PPP2CA: variants seen among roughly 807,000 people sequenced by gnomAD.
PPP2CA encodes the protein protein phosphatase 2 catalytic subunit alpha.
PPP2CA carries 5 observed loss-of-function variants against 38.8 expected under a neutral mutation model. The observed-to-expected ratio is 0.13, with a 90% CI of 0.07 to 0.27. The LOEUF (loss-of-function observed/expected upper bound fraction) is 0.27. PPP2CA is among the 10% of genes least tolerant of loss of function. The pLI is 1.00. For missense variants in PPP2CA, 88 were observed against 389.7 expected (o/e 0.23, Z 6.52); for synonymous variants, 152 against 134.0 (o/e 1.13, Z -0.93).
At chr5:134,213,838 A>T (rs1762260650) in intron 1 of PPP2CA, among the ~76,000 whole-genome samples, 1 of 152,240 alleles carries the variant, frequency 6.6e-6, no homozygotes, top group Non-Finnish European at 1.5e-5. Context: ...CATTAAAAAA[A>T]GGCTGAAAAG....
intron 5 of PPP2CA, chr5:134,199,466 C>G (rs1252537593): frequency 3.3e-6 from 1 of 306,588 alleles, no homozygotes; most frequent in East Asian, 5.6e-5. Flanking sequence ...TAACAAACAG[C>G]AGCAACCACC....
intron 2 of PPP2CA, 82 bp downstream of exon 2, chr5:134,205,840 G>A (rs567536761): frequency 3.2e-4 from 387 of 1,215,108 alleles, no homozygotes; most frequent in Non-Finnish European, 4.1e-4. Context: ...CATTCAGATA[G>A]AGAAAATAAC....
Position 134,206,081 on chromosome 5 carries a change from T to C in PPP2CA, c.153A>G (p.Pro51=), listed in dbSNP as rs370715996. ...CATGCACATCTCCACAGACAGTAAC[T>C]GGACATCGAACCTCTTGCACGTTGG... ...KESNVQEVRC[P]VTVCGDVHGQ... The change falls in exon 2 of 7, where the codon CCA becomes CCG. Residue 51 remains proline (P), a synonymous_variant. Coordinates refer to ENST00000481195, the MANE Select transcript of PPP2CA (RefSeq NM_002715.4). 1 of 1,614,210 alleles carries C rather than the reference T, an allele frequency of 6.2e-7. No homozygotes were observed. The highest frequency in any genetic ancestry group is 8.5e-7 in the Non-Finnish European group (1 of 1,180,028).
intron 5 of PPP2CA, 135 bp from the exon 6 acceptor site, chr5:134,199,339 T>G: frequency 1.6e-6 from 1 of 642,612 alleles, no homozygotes; most frequent in East Asian, 2.6e-5. Flanking sequence ...ATGCTTTTTT[T>G]CTGGATGACT....
chr5:134,223,511 A>C (rs544255317), intron 1 of PPP2CA, among the ~76,000 whole-genome samples: 1 of 152,376 alleles, frequency 6.6e-6, no homozygotes, highest in South Asian at 2.1e-4. Flanking sequence ...TCCATTCCAC[A>C]GAAACTTTTA....
At chr5:134,209,793 T>C (rs555121752) in intron 1 of PPP2CA, among the ~76,000 whole-genome samples, 177 of 151,788 alleles carry the variant, frequency 1.2e-3, no homozygotes, top group African/African-American at 3.6e-3. Context: ...AAAAAGATCA[T>C]TTTGGCGAGT....
chr5:134,197,952 G>T, intron 6 of PPP2CA, 108 bp from the exon 7 acceptor site: 1 of 944,108 alleles, frequency 1.1e-6, no homozygotes, highest in Non-Finnish European at 1.7e-6. Context: ...TTCAATTTTG[G>T]CTTGTCTTAA....
intron 1 of PPP2CA, chr5:134,224,287 G>GA (rs1762512309): frequency 4.4e-6 from 2 of 455,732 alleles, no homozygotes; most frequent in African/African-American, 4.0e-5. Context: ...AAAGAAACAG[G>GA]AGATTCAATA....
chr5:134,208,544 TGC>T, intron 1 of PPP2CA, among the ~76,000 whole-genome samples: 1 of 58,664 alleles, frequency 1.7e-5, no homozygotes, highest in Middle Eastern at 9.3e-3. Context: ...GATGTACAGA[TGC>T]TCCTCAATTT....
intron 1 of PPP2CA, among the ~76,000 whole-genome samples, chr5:134,206,871 G>C (rs190008391): frequency 2.0e-5 from 3 of 152,332 alleles, no homozygotes; most frequent in African/African-American, 7.2e-5. Flanking sequence ...ATATAGTGGT[G>C]AACAAGATGG....
chr5:134,203,156 A>G (rs1352606490), intron 2 of PPP2CA, among the ~76,000 whole-genome samples: 1 of 152,114 alleles, frequency 6.6e-6, no homozygotes, highest in East Asian at 1.9e-4. Context: ...TTGAAAAAAC[A>G]TAATCTTAAT....
intron 3 of PPP2CA, 112 bp downstream of exon 3, chr5:134,201,736 A>G (rs1375495549): frequency 3.4e-6 from 4 of 1,171,172 alleles, no homozygotes; most frequent in Admixed American, 6.1e-5. Flanking sequence ...ATCAATATCT[A>G]TTAAAAAATA....
chr5:134,217,701 G>C (rs1762351584), intron 1 of PPP2CA, among the ~76,000 whole-genome samples: 1 of 152,178 alleles, frequency 6.6e-6, no homozygotes, highest in African/African-American at 2.4e-5. Context: ...CATATTACTA[G>C]CCCTGGAAGC....
At chr5:134,212,437 T>C (rs1413893076) in intron 1 of PPP2CA, among the ~76,000 whole-genome samples, 2 of 152,184 alleles carry the variant, frequency 1.3e-5, no homozygotes, top group Non-Finnish European at 2.9e-5. Flanking sequence ...CATAAGACAA[T>C]GAACTTAATA....
Position 134,201,051 on chromosome 5 carries a change from G to A in PPP2CA, c.510C>T (p.Leu170=), listed in dbSNP as rs1381823492. 1 of 1,612,718 alleles carries A rather than the reference G, an allele frequency of 6.2e-7. No homozygotes were observed. The highest frequency in any genetic ancestry group is 1.1e-5 in the South Asian group (1 of 91,042). Residue 170 remains leucine (L), a synonymous_variant, in exon 4 of 7, where the codon CTC becomes CTT. Coordinates refer to ENST00000481195, the MANE Select transcript of PPP2CA (RefSeq NM_002715.4). ...GATCCAGTGTATCTATAGATGGCGA[G>A]AGACCACCATGTAGACAGAAGATCT... The part of the protein sequence containing the change: ...DGQIFCLHGG[L]SPSIDTLDHI...
chr5:134,225,436 C>T, intron 1 of PPP2CA: 1 of 261,492 alleles, frequency 3.8e-6, no homozygotes, highest in South Asian at 5.1e-5. Context: ...TCCAAGCCAG[C>T]TCACCCTCAA....
chr5:134,199,053 A>G, intron 6 of PPP2CA, 33 bp downstream of exon 6: 2 of 1,484,192 alleles, frequency 1.3e-6, no homozygotes, highest in South Asian at 2.3e-5. Flanking sequence ...CATATTCAGT[A>G]ATGCAAGAAA....
At chr5:134,198,083 CAAACAAAACA>C (rs143894324) in intron 6 of PPP2CA, among the ~76,000 whole-genome samples, 3 of 152,066 alleles carry the variant, frequency 2.0e-5, no homozygotes, top group East Asian at 3.9e-4. Flanking sequence ...ACTGAAATTT[CAAACAAAACA>C]AAACAAAACA....
chr5:134,200,607 T>C, intron 4 of PPP2CA, 111 bp from the exon 5 acceptor site: 1 of 1,170,758 alleles, frequency 8.5e-7, no homozygotes, highest in Non-Finnish European at 1.2e-6. Flanking sequence ...GTGATGTTTG[T>C]GGACAATGCT....
Sources: gnomAD v4.1 joint callset for allele counts (sites outside exome capture counted in the v4.1 genomes callset) on GRCh38, gnomAD v4.1.1 for gene constraint, MANE v1.5 for transcripts, NCBI Gene and HGNC (gene_info 2026-07-23, HGNC 2026-07-21) for gene names.